Variants in ANKFN1 observed in about 807,000 individuals in gnomAD.
ANKFN1 encodes ankyrin repeat and fibronectin type III domain containing 1.
In ANKFN1, 74 loss-of-function variants were observed where a neutral mutation model predicts 108.7. The ratio of observed to expected loss-of-function variants is 0.68; its 90% CI spans 0.56 to 0.83. The LOEUF is 0.83. Among genes scored for constraint, ANKFN1 ranks in the 40% least tolerant of loss-of-function variants. The pLI is 0.00. For missense variants in ANKFN1, 1,505 were observed against 1,382.3 expected, an observed-to-expected ratio of 1.09 and a Z score of -1.41; for synonymous variants, 547 against 516.2, an observed-to-expected ratio of 1.06 and a Z score of -0.81.
At chr17:56,391,841 C>A (rs972652143) in intron 8 of ANKFN1, among the ~76,000 whole-genome samples, 1 of 152,138 alleles carries the variant, frequency 6.6e-6, no homozygotes, top group Non-Finnish European at 1.5e-5. Flanking sequence ...CTCATGTAAG[C>A]CATAATGTTT....
intron 4 of ANKFN1, among the ~76,000 whole-genome samples, chr17:56,110,473 TGTCTGTC>T (rs1905899708): frequency 6.6e-6 from 1 of 152,226 alleles, no homozygotes; most frequent in African/African-American, 2.4e-5. Context: ...AGTCGATTAG[TGTCTGTC>T]TCCCTTACTG....
chr17:56,497,338 A>G (rs1322737493), intron 19 of ANKFN1, among the ~76,000 whole-genome samples: 1 of 152,152 alleles, frequency 6.6e-6, no homozygotes, highest in Non-Finnish European at 1.5e-5. Context: ...CCTGAAGCTC[A>G]ATCTCATGCT....
At chr17:56,466,254 C>A in intron 14 of ANKFN1, 102 bp from the exon 15 acceptor site, 2 of 1,066,776 alleles carry the variant, frequency 1.9e-6, no homozygotes, top group Non-Finnish European at 2.8e-6. Context: ...GAGCAAACAG[C>A]TTCTCAGAAA....
intron 4 of ANKFN1, among the ~76,000 whole-genome samples, chr17:56,070,607 A>G (rs1239092120): frequency 1.3e-5 from 2 of 152,222 alleles, no homozygotes; most frequent in South Asian, 4.2e-4. Flanking sequence ...CACCCTCACT[A>G]TAGAGGTTTA....
chr17:56,077,847 T>C (rs910346028), intron 4 of ANKFN1, among the ~76,000 whole-genome samples: 2 of 152,204 alleles, frequency 1.3e-5, no homozygotes, highest in African/African-American at 4.8e-5. Context: ...AGACAGGTTG[T>C]CACTCATCCA....
chr17:56,502,572 C>T lies in ANKFN1; in HGVS notation c.2644+3474C>T, dbSNP rs1442691476. ...GGGGAGAAACATTTAGTGTCCTACC[C>T]CTCACAAAAGCAGAAGCATTTCAGA... On this transcript the variant is annotated intron_variant, in intron 20 of 20. Coordinates refer to ENST00000682825, the MANE Select transcript of ANKFN1 (RefSeq NM_001370326.1). Among the ~76,000 whole-genome samples, 4 of 152,282 alleles carry T rather than the reference C, an allele frequency of 2.6e-5. No homozygotes were observed. In the East Asian group the frequency reaches 7.7e-4, roughly 29 times the overall value.
In ANKFN1 at chr17:56,118,160, C is replaced by T. The variant is rs551387807; in HGVS notation, c.288+71835C>T. ...ATGGACATTTGTATTTTTTCTACTT[C>T]TCAGCTATTATGCATAATACTACAA... On this transcript the variant is annotated intron_variant, in intron 4 of 12. Transcript: ENST00000635860. Among the ~76,000 whole-genome samples, 5 of 152,082 alleles carry T rather than the reference C, an allele frequency of 3.3e-5. No homozygotes were observed. In the East Asian group the frequency reaches 9.7e-4, roughly 29 times the overall value.
chr17:56,223,560 C>A (rs1034494397), intron 2 of ANKFN1, among the ~76,000 whole-genome samples: 2 of 152,054 alleles, frequency 1.3e-5, no homozygotes, highest in African/African-American at 2.4e-5. Flanking sequence ...GTAGGAGAAG[C>A]CATTGGCAGT....
rs546554815 is a variant in ANKFN1, at chr17:56,269,161, T to G, written c.53+41204T>G. Among the ~76,000 whole-genome samples the G allele has an allele frequency of 1.4e-4, 21 of 152,268 alleles. No individual in the cohort carries two copies. The South Asian group carries it at 3.3e-3, about 24-fold the overall frequency. ...AGAATTCCAGGGTTCTAGGTCATGA[T>G]AGCTGTTTAATATGAACCAGAAGCC... On this transcript the variant is annotated intron_variant, in intron 3 of 20. Transcript: ENST00000682825.
chr17:56,395,228 CA>C, intron 8 of ANKFN1, among the ~76,000 whole-genome samples: 1 of 152,206 alleles, frequency 6.6e-6, no homozygotes, highest in Non-Finnish European at 1.5e-5. Flanking sequence ...CATGAAAGGA[CA>C]AGGGATTTTA....
At position 56,319,790 on chromosome 17, in the gene ANKFN1, G is replaced by A. The variant is rs969568656; in HGVS notation, c.54-6431G>A. Among the ~76,000 whole-genome samples the A allele has an allele frequency of 7.2e-5, 11 of 152,124 alleles. 1 individual carries two copies. The East Asian group carries it at 2.1e-3, about 29-fold the overall frequency. On this transcript the variant is annotated intron_variant, in intron 3 of 20. Coordinates refer to ENST00000682825, the MANE Select transcript of ANKFN1 (RefSeq NM_001370326.1). ...TACTGATGTGCTAATGCTTATCAGA[G>A]CTGATCTCATTTCTCAGTTGGCCAA...
At chr17:56,158,517 A>G (rs917563328) in intron 1 of ANKFN1, among the ~76,000 whole-genome samples, 1 of 152,212 alleles carries the variant, frequency 6.6e-6, no homozygotes, top group African/African-American at 2.4e-5. Context: ...AGCAGCCTTC[A>G]TTAAGCCACT....
intron 9 of ANKFN1, 58 bp downstream of exon 9, chr17:56,440,482 C>T: frequency 2.1e-6 from 3 of 1,438,026 alleles, no homozygotes; most frequent in Non-Finnish European, 2.9e-6. Flanking sequence ...GCTGGGATAT[C>T]AGTAGCAAAT....
intron 20 of ANKFN1, among the ~76,000 whole-genome samples, chr17:56,503,176 A>G (rs1392479078): frequency 6.6e-6 from 1 of 151,706 alleles, no homozygotes; most frequent in Non-Finnish European, 1.5e-5. Context: ...CTAGTGACAC[A>G]TGGGTGAGGC....
At chr17:56,239,942 A>C (rs771126964) in intron 3 of ANKFN1, among the ~76,000 whole-genome samples, 1 of 152,138 alleles carries the variant, frequency 6.6e-6, no homozygotes, top group Non-Finnish European at 1.5e-5. Flanking sequence ...ATAGAAAAAC[A>C]TAATGATTGA....
At chr17:56,328,613 A>C (rs2045583395) in intron 4 of ANKFN1, among the ~76,000 whole-genome samples, 1 of 152,178 alleles carries the variant, frequency 6.6e-6, no homozygotes, top group Non-Finnish European at 1.5e-5. Context: ...ACTCTTCATC[A>C]GAAAAATAAG....
chr17:56,075,279 T>C (rs886730050), intron 4 of ANKFN1, among the ~76,000 whole-genome samples: 3 of 152,182 alleles, frequency 2.0e-5, no homozygotes, highest in Non-Finnish European at 4.4e-5. Flanking sequence ...CTCTGTACAG[T>C]GGAACTAACG....
chr17:56,484,910 T>C (rs966795317), intron 18 of ANKFN1, among the ~76,000 whole-genome samples: 5 of 152,194 alleles, frequency 3.3e-5, no homozygotes, highest in African/African-American at 1.2e-4. Context: ...CGTTATAATA[T>C]ACGTGACTCC....
chr17:56,223,306 G>C (rs959134175), intron 2 of ANKFN1, among the ~76,000 whole-genome samples: 1 of 152,186 alleles, frequency 6.6e-6, no homozygotes, highest in Non-Finnish European at 1.5e-5. Context: ...AAATAAATCT[G>C]TGCAGTTCTG....
Sources: gnomAD v4.1 joint callset for allele counts (sites outside exome capture counted in the v4.1 genomes callset) on GRCh38, gnomAD v4.1.1 for gene constraint, MANE v1.5 for transcripts, NCBI Gene and HGNC (gene_info 2026-07-23, HGNC 2026-07-21) for gene names.